LRMDA: variants seen among roughly 807,000 people sequenced by gnomAD.
LRMDA encodes leucine rich melanocyte differentiation associated, also known as leucine-rich melanocyte differentiation-associated protein.
LRMDA carries 18 observed loss-of-function variants against 29.8 expected under a neutral mutation model. That is an observed-to-expected ratio of 0.60 (90% CI 0.42 to 0.90). The LOEUF is 0.90. Among genes scored for constraint, LRMDA ranks in the 40% least tolerant of loss-of-function variants. LRMDA has a pLI of 0.00. For missense variants in LRMDA, 273 were observed against 273.9 expected, an observed-to-expected ratio of 1.00 and a Z score of 0.02; for synonymous variants, 125 against 109.4, an observed-to-expected ratio of 1.14 and a Z score of -0.89.
At chr10:76,221,723 C>A (rs1048733867) in intron 5 of LRMDA, among the ~76,000 whole-genome samples, 11 of 152,120 alleles carry the variant, frequency 7.2e-5, no homozygotes, top group African/African-American at 2.7e-4. Context: ...AATGCCATCC[C>A]CATCAAGCTA....
intron 2 of LRMDA, among the ~76,000 whole-genome samples, chr10:75,723,231 C>G (rs1842590310): frequency 6.6e-6 from 1 of 152,204 alleles, no homozygotes; most frequent in Non-Finnish European, 1.5e-5. Context: ...GGGAAACAGC[C>G]TGAGGAGCCT....
chr10:76,038,005 C>G (rs1258721718), intron 3 of LRMDA, among the ~76,000 whole-genome samples: 1 of 152,164 alleles, frequency 6.6e-6, no homozygotes, highest in Non-Finnish European at 1.5e-5. Flanking sequence ...TTCCCAATCA[C>G]TCTTTGAAAA....
chr10:76,260,298 T>G lies in LRMDA; in HGVS notation c.517-64103T>G, dbSNP rs186789967. Among the ~76,000 whole-genome samples the G allele has an allele frequency of 1.0e-3, 159 of 152,334 alleles. 1 individual carries two copies. The highest frequency in any genetic ancestry group is 3.7e-3 in the African/African-American group (153 of 41,590). ...CTACCAGTGAGTTTTATAGCCATTT[T>G]TTGCATGTTTTCATGATGATGATGA... On this transcript the variant is annotated intron_variant, in intron 5 of 6. Transcript: ENST00000611255.
At chr10:75,566,239 C>T (rs774154370) in intron 2 of LRMDA, among the ~76,000 whole-genome samples, 12 of 152,222 alleles carry the variant, frequency 7.9e-5, no homozygotes, top group Non-Finnish European at 1.3e-4. Flanking sequence ...TCTCATTGCT[C>T]GTTCCTTCTC....
intron 5 of LRMDA, among the ~76,000 whole-genome samples, chr10:76,264,688 G>A (rs1839985620): frequency 6.6e-6 from 1 of 152,066 alleles, no homozygotes; most frequent in African/African-American, 2.4e-5. Flanking sequence ...GAGGAGTCCT[G>A]AGTACTAAAC....
At chr10:76,056,195 C>A (rs1848611872) in intron 4 of LRMDA, among the ~76,000 whole-genome samples, 1 of 152,188 alleles carries the variant, frequency 6.6e-6, no homozygotes, top group African/African-American at 2.4e-5. Flanking sequence ...GAGTGGGTAG[C>A]TCCTCTCCAC....
chr10:76,227,520 G>A (rs1851982166), intron 5 of LRMDA, among the ~76,000 whole-genome samples: 1 of 152,208 alleles, frequency 6.6e-6, no homozygotes, highest in Non-Finnish European at 1.5e-5. Context: ...AGAATGCAGA[G>A]GTTGTGGATA....
At chr10:76,367,377 T>C (rs1841402979) in intron 6 of LRMDA, among the ~76,000 whole-genome samples, 1 of 152,108 alleles carries the variant, frequency 6.6e-6, no homozygotes, top group Non-Finnish European at 1.5e-5. Context: ...TGAACCTGTC[T>C]GGTCCTGGAC....
At chr10:75,604,979 C>T (rs1315984063) in intron 2 of LRMDA, among the ~76,000 whole-genome samples, 1 of 152,176 alleles carries the variant, frequency 6.6e-6, no homozygotes, top group Non-Finnish European at 1.5e-5. Flanking sequence ...ATTCAGTTTT[C>T]CCAAACAAAA....
chr10:75,687,186 C>G (rs923482006), intron 2 of LRMDA, among the ~76,000 whole-genome samples: 1 of 152,130 alleles, frequency 6.6e-6, no homozygotes, highest in Admixed American at 6.5e-5. Context: ...CACTTTAAAT[C>G]AAAAATAGAA....
intron 6 of LRMDA, among the ~76,000 whole-genome samples, chr10:76,461,716 G>A (rs1842513654): frequency 1.3e-5 from 2 of 152,118 alleles, no homozygotes; most frequent in African/African-American, 2.4e-5. Context: ...GAGAAGTGCT[G>A]TCTTAAGAAA....
At chr10:75,690,508 G>T (rs1842131790) in intron 2 of LRMDA, among the ~76,000 whole-genome samples, 1 of 152,010 alleles carries the variant, frequency 6.6e-6, no homozygotes, top group African/African-American at 2.4e-5. Flanking sequence ...TAAAGACAGG[G>T]TCTTGCTATG....
At chr10:75,552,107 C>G (rs1320153764) in intron 2 of LRMDA, among the ~76,000 whole-genome samples, 1 of 152,098 alleles carries the variant, frequency 6.6e-6, no homozygotes, top group East Asian at 1.9e-4. Flanking sequence ...CTTTTATTAT[C>G]CACATTTTAA....
chr10:76,432,160 T>G (rs1223842087), intron 6 of LRMDA, among the ~76,000 whole-genome samples: 6 of 152,200 alleles, frequency 3.9e-5, no homozygotes, highest in African/African-American at 1.4e-4. Context: ...CTTCTTTCCC[T>G]GTATTTTAGT....
chr10:75,612,362 TC>T (rs1841043571), intron 2 of LRMDA, among the ~76,000 whole-genome samples: 1 of 151,654 alleles, frequency 6.6e-6, no homozygotes, highest in African/African-American at 2.4e-5. Context: ...TTCTTATAAA[TC>T]TCTCTGGTTG....
chr10:76,424,550 A>G (rs1170511072), intron 6 of LRMDA, among the ~76,000 whole-genome samples: 1 of 151,972 alleles, frequency 6.6e-6, no homozygotes, highest in Non-Finnish European at 1.5e-5. Context: ...AAAAACAAAA[A>G]CAAAAACAAA....
intron 5 of LRMDA, among the ~76,000 whole-genome samples, chr10:76,065,287 A>G (rs1057176195): frequency 6.6e-6 from 1 of 152,190 alleles, no homozygotes; most frequent in African/African-American, 2.4e-5. Flanking sequence ...CAACCCTCTA[A>G]AATAAAAAAA....
At chr10:75,978,849 CT>C (rs1196079405) in intron 2 of LRMDA, among the ~76,000 whole-genome samples, 2 of 152,162 alleles carry the variant, frequency 1.3e-5, no homozygotes, top group Non-Finnish European at 2.9e-5. Flanking sequence ...TAATGTTTTT[CT>C]TTAAGTCTAA....
intron 2 of LRMDA, among the ~76,000 whole-genome samples, chr10:75,535,951 C>G (rs1839939156): frequency 1.3e-5 from 2 of 152,186 alleles, no homozygotes; most frequent in Non-Finnish European, 2.9e-5. Flanking sequence ...GAGCAAGACT[C>G]TGAATTATTC....
Sources: gnomAD v4.1 joint callset for allele counts (sites outside exome capture counted in the v4.1 genomes callset) on GRCh38, gnomAD v4.1.1 for gene constraint, MANE v1.5 for transcripts, NCBI Gene and HGNC (gene_info 2026-07-23, HGNC 2026-07-21) for gene names.